CALD1: variants seen among roughly 807,000 people sequenced by gnomAD.
CALD1 encodes the protein caldesmon 1, also known as caldesmon.
In CALD1, 33 loss-of-function variants were observed where a neutral mutation model predicts 99.9. The ratio of observed to expected loss-of-function variants is 0.33; its 90% CI spans 0.25 to 0.44. The LOEUF (loss-of-function observed/expected upper bound fraction) is 0.44, where lower values mean the gene tolerates loss of function less well. CALD1 is among the 20% of genes least tolerant of loss of function. The pLI is 1.00. For synonymous variants in CALD1, 310 were observed against 325.0 expected (o/e 0.95, Z 0.50); for missense variants, 861 against 962.1 (o/e 0.89, Z 1.39).
At chr7:134,895,823 G>C (rs1008998564) in intron 3 of CALD1, among the ~76,000 whole-genome samples, 5 of 152,094 alleles carry the variant, frequency 3.3e-5, no homozygotes, top group African/African-American at 1.2e-4. Context: ...TTTAATTCTT[G>C]ATTTCAAAGT....
intron 1 of CALD1, among the ~76,000 whole-genome samples, chr7:134,781,597 G>C (rs576071357): frequency 1.3e-5 from 1 of 79,682 alleles, no homozygotes; most frequent in South Asian, 6.3e-4. Context: ...TGAGGCCAAA[G>C]GAGCACAATG....
intron 2 of CALD1, among the ~76,000 whole-genome samples, chr7:134,848,476 A>G (rs1454297142): frequency 6.6e-6 from 1 of 152,224 alleles, no homozygotes; most frequent in Non-Finnish European, 1.5e-5. Flanking sequence ...TTTGCTAAAG[A>G]GCAGTGAAGA....
intron 1 of CALD1, among the ~76,000 whole-genome samples, chr7:134,826,242 C>G (rs188691652): frequency 6.6e-6 from 1 of 152,196 alleles, no homozygotes; most frequent in Admixed American, 6.5e-5. Flanking sequence ...CTGCTTTCTC[C>G]CACCCTCCCA....
chr7:134,810,383 A>T (rs1331495493), intron 1 of CALD1, among the ~76,000 whole-genome samples: 3 of 152,146 alleles, frequency 2.0e-5, no homozygotes, highest in Non-Finnish European at 4.4e-5. Context: ...TGGAGGATCT[A>T]TTTGCCCTTT....
At chr7:134,945,547 T>C (rs6949191) in intron 7 of CALD1, among the ~76,000 whole-genome samples, 2 of 152,228 alleles carry the variant, frequency 1.3e-5, no homozygotes, top group Non-Finnish European at 2.9e-5. Context: ...TTATTCTCTG[T>C]CTTACCTGTG....
chr7:134,748,672 T>C (rs927347482), intron 1 of CALD1, among the ~76,000 whole-genome samples: 4 of 152,066 alleles, frequency 2.6e-5, no homozygotes, highest in South Asian at 2.1e-4. Flanking sequence ...GATTGTGCCA[T>C]TGCATTCCAG....
At chr7:134,770,943 G>A (rs1297709258) in intron 1 of CALD1, among the ~76,000 whole-genome samples, 2 of 152,196 alleles carry the variant, frequency 1.3e-5, no homozygotes, top group Non-Finnish European at 2.9e-5. Flanking sequence ...ATTAAAAGAG[G>A]AAGTGAATCG....
At chr7:134,831,476 G>A (rs1016093116) in intron 1 of CALD1, among the ~76,000 whole-genome samples, 4 of 151,788 alleles carry the variant, frequency 2.6e-5, no homozygotes, top group East Asian at 1.9e-4. Flanking sequence ...CCACCACAAC[G>A]CCTGGCTAAT....
chr7:134,904,352 G>C (rs1286520565), intron 3 of CALD1, among the ~76,000 whole-genome samples: 2 of 151,936 alleles, frequency 1.3e-5, no homozygotes, highest in African/African-American at 4.8e-5. Context: ...AGGTCGAGGT[G>C]GGAGGATTGC....
the CALD1 span, among the ~76,000 whole-genome samples, chr7:134,726,896 G>A: frequency 4.5e-4 from 68 of 152,304 alleles, 2 homozygotes; most frequent in African/African-American, 1.5e-3. Flanking sequence ...CACCCCTGAA[G>A]TCACCATCAC....
chr7:134,832,895 T>G (rs1292038657), intron 1 of CALD1, among the ~76,000 whole-genome samples: 1 of 152,212 alleles, frequency 6.6e-6, no homozygotes, highest in Non-Finnish European at 1.5e-5. Flanking sequence ...TTATTCACAG[T>G]TATTTGTTTT....
intron 1 of CALD1, among the ~76,000 whole-genome samples, chr7:134,782,148 A>C (rs1395502496): frequency 6.6e-6 from 1 of 152,230 alleles, no homozygotes; most frequent in East Asian, 1.9e-4. Context: ...CCAGTTAGTC[A>C]TTCCTTAGCA....
chr7:134,915,504 G>A (rs1001586489), intron 3 of CALD1, among the ~76,000 whole-genome samples: 1 of 152,186 alleles, frequency 6.6e-6, no homozygotes, highest in Non-Finnish European at 1.5e-5. Context: ...TTATTGGTTA[G>A]TAAACTAATC....
At chr7:134,887,842 ATG>A (rs766634695) in intron 3 of CALD1, among the ~76,000 whole-genome samples, 3 of 150,714 alleles carry the variant, frequency 2.0e-5, no homozygotes, top group East Asian at 2.0e-4. Context: ...GCATTCGTGT[ATG>A]TGTGTGTGCC....
At chr7:134,785,275 A>C (rs1488869960) in intron 1 of CALD1, among the ~76,000 whole-genome samples, 1 of 152,214 alleles carries the variant, frequency 6.6e-6, no homozygotes. Flanking sequence ...CACCACTGGT[A>C]ACTGAAAGGA....
intron 1 of CALD1, among the ~76,000 whole-genome samples, chr7:134,821,665 C>T (rs900117515): frequency 2.2e-5 from 3 of 134,856 alleles, no homozygotes; most frequent in Admixed American, 1.6e-4. Context: ...TCACTGCAAC[C>T]TCTGCCTCCC....
At chr7:134,876,842 A>G (rs1801375427) in intron 3 of CALD1, among the ~76,000 whole-genome samples, 1 of 152,218 alleles carries the variant, frequency 6.6e-6, no homozygotes, top group Non-Finnish European at 1.5e-5. Context: ...GATTCCTAAC[A>G]GAGAAACTTA....
chr7:134,906,035 T>A (rs1803359164), intron 3 of CALD1, among the ~76,000 whole-genome samples: 1 of 151,412 alleles, frequency 6.6e-6, no homozygotes, highest in Non-Finnish European at 1.5e-5. Context: ...GTTCAAGTGA[T>A]TCTCCTGCCT....
chr7:134,754,600 A>AGC (rs1796712244), intron 1 of CALD1, among the ~76,000 whole-genome samples: 2 of 152,324 alleles, frequency 1.3e-5, no homozygotes, highest in South Asian at 4.1e-4. Context: ...ACATACAAGA[A>AGC]AATACATGTA....
Sources: gnomAD v4.1 joint callset for allele counts (sites outside exome capture counted in the v4.1 genomes callset) on GRCh38, gnomAD v4.1.1 for gene constraint, MANE v1.5 for transcripts, NCBI Gene and HGNC (gene_info 2026-07-23, HGNC 2026-07-21) for gene names.